Variants in GNB5 observed in about 807,000 individuals in gnomAD.
GNB5 encodes the protein G protein subunit beta 5.
Under a neutral mutation model 55.3 loss-of-function variants are expected in GNB5, and 37 were observed. That is an observed-to-expected ratio of 0.67 (90% CI 0.51 to 0.88). GNB5 has a LOEUF of 0.88. GNB5 is among the 40% of genes least tolerant of loss of function. The probability of loss-of-function intolerance (pLI) is 0.00; values close to 1 mark genes in which losing one functional copy is unlikely to be tolerated. For missense variants in GNB5, 476 were observed against 515.3 expected (o/e 0.92, Z 0.74); for synonymous variants, 219 against 198.5 (o/e 1.10, Z -0.87).
rs961777244 is a variant in GNB5 at position 52,119,986 on chromosome 15, G to A, written c.*2771C>T. On this transcript the variant is annotated 3_prime_UTR_variant, in exon 13 of 13. Coordinates refer to ENST00000261837, the MANE Select transcript of GNB5 (RefSeq NM_016194.4). ...ATGCCCACCTCTGGCTCGCCTGGGA[G>A]AAGAGGGACGGCTGCCAGGGCCCCA... The A allele has an allele frequency of 6.6e-5, 10 of 152,402 alleles. No individual in the cohort carries two copies. The highest frequency in any genetic ancestry group is 2.4e-4 in the African/African-American group (10 of 41,454). The allele number at this position is 152,402 out of a possible 1,614,324, so 9.4% of individuals were successfully genotyped here.
At chr15:52,158,590 G>C (rs930712697) in intron 3 of GNB5, among the ~76,000 whole-genome samples, 5 of 151,692 alleles carry the variant, frequency 3.3e-5, no homozygotes, top group African/African-American at 9.7e-5. Flanking sequence ...CTAGCACTGG[G>C]AGTGGGAGGC....
chr15:52,146,079 C>T (rs1260472094), intron 6 of GNB5, among the ~76,000 whole-genome samples: 1 of 151,546 alleles, frequency 6.6e-6, no homozygotes, highest in Non-Finnish European at 1.5e-5. Flanking sequence ...GCCTCAGCCT[C>T]CCGAGTAGCT....
At chr15:52,185,856 G>A (rs1004995074) in intron 1 of GNB5, among the ~76,000 whole-genome samples, 1 of 151,378 alleles carries the variant, frequency 6.6e-6, no homozygotes, top group Non-Finnish European at 1.5e-5. Context: ...TTGGCTCACT[G>A]CAACCTCGTT....
chr15:52,146,898 T>A (rs2033989179), intron 6 of GNB5, among the ~76,000 whole-genome samples: 1 of 151,936 alleles, frequency 6.6e-6, no homozygotes, highest in Non-Finnish European at 1.5e-5. Flanking sequence ...TGCTTCATTT[T>A]TAAAAATACT....
At chr15:52,191,151 C>A (rs1316352242) in intron 1 of GNB5, among the ~76,000 whole-genome samples, 171 bp downstream of exon 1, 1 of 151,320 alleles carries the variant, frequency 6.6e-6, no homozygotes, top group African/African-American at 2.4e-5. Flanking sequence ...AAAATAAATT[C>A]ATGTGTATTG....
Position 52,184,668 on chromosome 15 carries a change from A to G in GNB5, c.9T>C (p.Asp3=). 1.2e-6 allele frequency: 2 copies of G among 1,613,470 alleles called. No homozygotes were observed. The change falls in exon 2 of 13, where the codon GAT becomes GAC. Residue 3 remains aspartate, a synonymous_variant. Transcript: ENST00000261837. MC[D]QTFLVNVFGS... is the part of the protein sequence containing the mutation. Reference sequence around the variant, plus strand: ...CAAATACATTAACGAGAAAGGTCTGATCACACATCTTTTACCCAAGATAAA... The same window carrying G: ...CAAATACATTAACGAGAAAGGTCTGGTCACACATCTTTTACCCAAGATAAA...
chr15:52,149,693 T>C (rs996193477), intron 5 of GNB5, 191 bp downstream of exon 5: 5 of 667,148 alleles, frequency 7.5e-6, no homozygotes, highest in South Asian at 1.6e-5. Flanking sequence ...GAGAGGGGAA[T>C]AAATGCTGCA....
intron 3 of GNB5, among the ~76,000 whole-genome samples, chr15:52,160,508 A>C (rs1221417369): frequency 1.3e-5 from 2 of 152,244 alleles, no homozygotes; most frequent in Non-Finnish European, 2.9e-5. Context: ...CATGTTTAGA[A>C]TAGCAGAGAA....
chr15:52,165,911 G>A (rs1440494005), intron 3 of GNB5, among the ~76,000 whole-genome samples: 1 of 152,158 alleles, frequency 6.6e-6, no homozygotes, highest in African/African-American at 2.4e-5. Context: ...GCTGGATCGA[G>A]TCCAGACTCA....
intron 2 of GNB5, among the ~76,000 whole-genome samples, chr15:52,184,184 C>G (rs1318717192): frequency 6.6e-6 from 1 of 152,186 alleles, no homozygotes; most frequent in Non-Finnish European, 1.5e-5. Context: ...CTAAAACATT[C>G]ATTGAGTACT....
At chr15:52,126,754 T>A (rs1233795139) in intron 10 of GNB5, among the ~76,000 whole-genome samples, 1 of 152,124 alleles carries the variant, frequency 6.6e-6, no homozygotes, top group East Asian at 1.9e-4. Context: ...CTTAGAAGAG[T>A]TATCAGGAAA....
chr15:52,135,773 A>G lies in GNB5; in HGVS notation c.628-17T>C. 7 of 1,611,228 alleles carry G rather than the reference A, an allele frequency of 4.3e-6. No individual in the cohort carries two copies. The highest frequency in any genetic ancestry group is 5.9e-6 in the Non-Finnish European group (7 of 1,179,654). Reference sequence around the variant, plus strand: ...TGTCAGGATCTGCCCGCAGAAAAGGACAGGAAGTGGGTGGTTGTGGTTATT... The same window carrying G: ...TGTCAGGATCTGCCCGCAGAAAAGGGCAGGAAGTGGGTGGTTGTGGTTATT... On this transcript the variant is annotated splice_polypyrimidine_tract_variant and intron_variant, in intron 7 of 12. Transcript: ENST00000261837.
intron 4 of GNB5, among the ~76,000 whole-genome samples, chr15:52,152,153 A>G (rs2034110184): frequency 6.6e-6 from 1 of 151,720 alleles, no homozygotes; most frequent in Non-Finnish European, 1.5e-5. Context: ...CATTTGTCCT[A>G]TCAAACGCAA....
chr15:52,135,647 G>T lies in GNB5; in HGVS notation c.737C>A (p.Ala246Asp). 1 of 1,613,652 alleles carries T rather than the reference G, an allele frequency of 6.2e-7. No individual in the cohort carries two copies. Among genetic ancestry groups the T allele is most frequent in the Non-Finnish European group, 8.5e-7 (1 of 1,179,798 alleles). The change falls in exon 8 of 13, where the codon GCC becomes GAC. Residue 246 changes from alanine (A) to aspartate (D), a missense_variant. Transcript: ENST00000261837. The part of the protein sequence containing the change: ...HGADVLCLDL[A>D]PSETGNTFVS... ...GAAGGTGTTTCCAGTTTCTGAGGGG[G>T]CCAGGTCCAAGCAGAGGACGTCAGC...
intron 3 of GNB5, among the ~76,000 whole-genome samples, chr15:52,167,153 A>C (rs904700766): frequency 1.3e-5 from 2 of 152,230 alleles, no homozygotes; most frequent in African/African-American, 2.4e-5. Context: ...TGAATAGGCC[A>C]ATAATGAGGT....
chr15:52,153,518 T>C (rs1355823491), intron 4 of GNB5, among the ~76,000 whole-genome samples: 2 of 152,308 alleles, frequency 1.3e-5, no homozygotes, highest in East Asian at 1.9e-4. Context: ...CTGTAAATGA[T>C]ATGATTTTTA....
At chr15:52,169,867 T>C (rs914981125) in intron 3 of GNB5, among the ~76,000 whole-genome samples, 1 of 151,484 alleles carries the variant, frequency 6.6e-6, no homozygotes, top group Non-Finnish European at 1.5e-5. Flanking sequence ...TAAACAAATT[T>C]ACAAGAAAAA....
rs199750560 is a variant in GNB5 at position 52,181,609 on chromosome 15, CA to C, written c.127-1731del. On this transcript the variant is annotated intron_variant, in intron 2 of 12. Coordinates refer to ENST00000261837, the MANE Select transcript of GNB5 (RefSeq NM_016194.4). ...CCAGCCTGGGCAACAGAGCAAGACT[CA>C]AAAAAAACAAAAACAAAAACAAAAA... Among the ~76,000 whole-genome samples the C allele has an allele frequency of 5.0e-3, 750 of 150,776 alleles. 18 individuals are homozygous for C. Among genetic ancestry groups the C allele is most frequent in the Admixed American group, 0.026 (401 of 15,166 alleles).
At chr15:52,141,068 G>A in intron 7 of GNB5, 72 bp downstream of exon 7, 1 of 1,391,946 alleles carries the variant, frequency 7.2e-7, no homozygotes, top group African/African-American at 1.4e-5. Context: ...GACGCCGAAA[G>A]CTTCCTCTCC....
Sources: allele counts gnomAD v4.1 joint callset (sites outside exome capture counted in the v4.1 genomes callset), GRCh38; gene constraint gnomAD v4.1.1; transcripts MANE v1.5; gene names NCBI Gene and HGNC (gene_info 2026-07-23, HGNC 2026-07-21).